SLC6A12: variants seen among roughly 807,000 people sequenced by gnomAD.
SLC6A12 encodes sodium- and chloride-dependent betaine transporter.
Under a neutral mutation model 73.3 loss-of-function variants are expected in SLC6A12, and 50 were observed. The ratio of observed to expected loss-of-function variants is 0.68; its 90% CI spans 0.54 to 0.86. SLC6A12 has a LOEUF of 0.86. SLC6A12 is among the 40% of genes least tolerant of loss of function. SLC6A12 has a pLI of 0.00. For synonymous variants in SLC6A12, 304 were observed against 309.2 expected (o/e 0.98, Z 0.18); for missense variants, 648 against 772.8 (o/e 0.84, Z 1.92).
Position 198,146 on chromosome 12 carries a change from G to A in SLC6A12, c.847-143C>T, listed in dbSNP as rs58028178. On this transcript the variant is annotated intron_variant, in intron 8 of 15. Transcript: ENST00000684302. This position sits in a 1 kb window ranked among gnomAD's most constrained non-coding sequence, Gnocchi z 4.0. Reference sequence around the variant, plus strand: ...CTTCCCTCCTGCATCCCAACTCTCCGTGAGTGCGCCCTCCGGTCTCCACGG... The same window carrying A: ...CTTCCCTCCTGCATCCCAACTCTCCATGAGTGCGCCCTCCGGTCTCCACGG... 0.02 allele frequency: 12,868 copies of A among 649,688 alleles called. 455 individuals carry two copies. Among genetic ancestry groups the A allele is most frequent in the African/African-American group, 0.12 (6,340 of 54,996 alleles). 40.2% of individuals were successfully genotyped at this position (649,688 alleles called of 1,614,324 possible). A position where few individuals can be genotyped will look rare whatever the true frequency, so the allele number is the denominator to read the frequency against.
In SLC6A12 at chr12:195,171, G is replaced by A. The variant is rs1591781990; in HGVS notation, c.1429+54C>T. 5.2e-6 allele frequency: 6 copies of A among 1,161,934 alleles called. No homozygotes were observed. The East Asian group carries it at 1.4e-4, about 27-fold the overall frequency. The allele number at this position is 1,161,934 out of a possible 1,614,324, so 72.0% of individuals were successfully genotyped here. On this transcript the variant is annotated intron_variant, in intron 13 of 15. Transcript: ENST00000684302. The stretch of plus-strand genomic sequence containing the variant: ...CCCCAGGCAAAGCCTGCCCCTGGCT[G>A]GCTAGACGGTCTTTCTCCCACCCTG...
intron 4 of SLC6A12, chr12:203,724 G>A (rs1354265990): frequency 2.0e-5 from 3 of 152,210 alleles, no homozygotes; most frequent in South Asian, 2.1e-4. Flanking sequence ...TGGCCGAGCC[G>A]GGGGCCGGCG....
In SLC6A12 at chr12:204,720, G is replaced by A. The variant is rs1326958571; in HGVS notation, c.215-22C>T. The A allele has an allele frequency of 3.7e-6, 6 of 1,613,192 alleles. No individual in the cohort carries two copies. The African/African-American group carries it at 4.0e-5, about 11-fold the overall frequency. On this transcript the variant is annotated intron_variant, in intron 3 of 15. Transcript: ENST00000684302. ...GCTCCTGCAGAAGAGAGAGAGGCAG[G>A]GCTGAGCCACACCCGGGCTCTTCCT...
At chr12:209,427 G>T (rs970641128) in intron 3 of SLC6A12, among the ~76,000 whole-genome samples, 2 of 152,058 alleles carry the variant, frequency 1.3e-5, no homozygotes, top group Non-Finnish European at 2.9e-5. Context: ...CTAGCGCCGG[G>T]TCTGGCACGT....
intron 14 of SLC6A12, 157 bp downstream of exon 14, chr12:193,120 G>C (rs1463584481): frequency 1.6e-6 from 1 of 622,476 alleles, no homozygotes; most frequent in Non-Finnish European, 2.9e-6. Flanking sequence ...GCCCCAGAAA[G>C]AAGAGCAGGG....
chr12:197,084 T>C (rs1285838571), intron 10 of SLC6A12, among the ~76,000 whole-genome samples: 4 of 15,472 alleles, frequency 2.6e-4, no homozygotes, highest in South Asian at 2.4e-3. Context: ...CATCCATCCA[T>C]CCATCCATCC....
chr12:205,748 CA>C (rs1940601318), intron 3 of SLC6A12, among the ~76,000 whole-genome samples: 1 of 152,018 alleles, frequency 6.6e-6, no homozygotes, highest in Admixed American at 6.5e-5. Flanking sequence ...TCTTTTTTTG[CA>C]AAAGTGAGAA....
At chr12:187,532 T>C (rs1390988481), downstream of SLC6A12, among the ~76,000 whole-genome samples, 4 of 141,386 alleles carry the variant, frequency 2.8e-5, no homozygotes, top group Non-Finnish European at 4.5e-5. Flanking sequence ...GTGTTACACC[T>C]CATAAAGGCA....
chr12:197,020 T>C (rs1021436596), intron 10 of SLC6A12, 138 bp from the exon 11 acceptor site: 2 of 583,706 alleles, frequency 3.4e-6, no homozygotes, highest in Non-Finnish European at 6.2e-6. Context: ...CCACTGTTCT[T>C]CTCTTTCCAG....
chr12:193,200 T>G, intron 14 of SLC6A12, 77 bp downstream of exon 14: 1 of 1,028,176 alleles, frequency 9.7e-7, no homozygotes, highest in Non-Finnish European at 1.5e-6. Flanking sequence ...GAGCCCTGCA[T>G]GTCAGCCGTC....
At position 202,753 on chromosome 12, in the gene SLC6A12, G is replaced by C. The variant is rs116466002; in HGVS notation, c.477C>G (p.Asn159Lys). The stretch of plus-strand genomic sequence containing the variant: ...AATGATGGATACCTGTGTTCCAAAA[G>C]TTGTTGCAGGTCGTCCAGGGCAGCT... The part of the protein sequence containing the change: ...TSELPWTTCN[N>K]FWNTEHCTDF... The change falls in exon 5 of 16, where the codon AAC (asparagine) becomes AAG (lysine). Residue 159 changes from asparagine (N) to lysine (K), a missense_variant. Transcript: ENST00000684302. 6.2e-7 allele frequency: 1 copy of C among 1,613,638 alleles called. No homozygotes were observed.
intron 3 of SLC6A12, among the ~76,000 whole-genome samples, chr12:205,972 C>T (rs905859500): frequency 5.3e-5 from 8 of 152,340 alleles, no homozygotes; most frequent in Non-Finnish European, 1.0e-4. Flanking sequence ...CCACTGTCCA[C>T]ATCCTCGTGC....
intron 12 of SLC6A12, among the ~76,000 whole-genome samples, chr12:195,782 C>T (rs1375770786): frequency 6.6e-6 from 1 of 152,130 alleles, no homozygotes; most frequent in African/African-American, 2.4e-5. Context: ...GAGGAAAACC[C>T]GCCTCTGAGT....
chr12:210,200 C>G (rs1007529403), intron 2 of SLC6A12, 157 bp from the exon 3 acceptor site: 4 of 1,201,708 alleles, frequency 3.3e-6, no homozygotes, highest in Non-Finnish European at 3.4e-6. Flanking sequence ...ACTGTAAGAG[C>G]AAACCTTAGT....
At position 191,133 on chromosome 12, in the gene SLC6A12, G is replaced by A. The variant is rs752352891; in HGVS notation, c.1780C>T (p.Arg594Trp). ...CTTGTTGGGGAGGGCCCAAAGTTCC[G>A]GCCAGCACTGCCATCCAAGCAGGGA... ...QHPCLDGSAG[R>W]NFGPSPTREG... Residue 594 changes from arginine (R) to tryptophan (W), a missense_variant, in exon 16 of 16, where the codon CGG (arginine) becomes TGG (tryptophan). By Grantham distance (101) the Arg-to-Trp change is moderately radical. Transcript: ENST00000684302. 8.4e-5 allele frequency: 113 copies of A among 1,344,876 alleles called. No homozygotes were observed. The highest frequency in any genetic ancestry group is 1.1e-4 in the Non-Finnish European group (110 of 1,035,252). The allele number at this position is 1,344,876 out of a possible 1,614,324, so 83.3% of individuals were successfully genotyped here. A position where few individuals can be genotyped will look rare whatever the true frequency, so the allele number is the denominator to read the frequency against.
At chr12:202,717 C>T (rs1940342495) in intron 5 of SLC6A12, 23 bp downstream of exon 5, 2 of 1,607,708 alleles carry the variant, frequency 1.2e-6, no homozygotes, top group East Asian at 2.2e-5. Flanking sequence ...AGGCAACATC[C>T]CAGGGGCTGA....
intron 13 of SLC6A12, 77 bp downstream of exon 13, chr12:195,148 C>T (rs560808851): frequency 1.2e-5 from 11 of 912,026 alleles, no homozygotes; most frequent in Non-Finnish European, 1.8e-5. Flanking sequence ...ACGGCCTCCC[C>T]CAGGCAAAGC....
intron 3 of SLC6A12, among the ~76,000 whole-genome samples, chr12:208,468 A>C (rs567220055): frequency 6.6e-6 from 1 of 152,322 alleles, no homozygotes; most frequent in Non-Finnish European, 1.5e-5. Flanking sequence ...TCAACAAATT[A>C]TCTCTAAATG....
rs1239071176 is a variant in SLC6A12, at chr12:198,029, A to G, written c.847-26T>C. On this transcript the variant is annotated intron_variant, in intron 8 of 15. Coordinates refer to ENST00000684302, the MANE Select transcript of SLC6A12 (RefSeq NM_001122848.3). This position sits in a 1 kb window ranked among gnomAD's most constrained non-coding sequence, Gnocchi z 4.0. ...CTACACAAAACCCCAAGAAAGAGGTAGAGGCAGCCCCCAGGGCCCAGAGCC... is the reference window on the plus strand; with the variant it reads ...CTACACAAAACCCCAAGAAAGAGGTGGAGGCAGCCCCCAGGGCCCAGAGCC... 1.3e-6 allele frequency: 2 copies of G among 1,599,632 alleles called. No individual in the cohort carries two copies. Among genetic ancestry groups the G allele is most frequent in the African/African-American group, 2.7e-5 (2 of 74,708 alleles).
Sources: allele counts gnomAD v4.1 joint callset (sites outside exome capture counted in the v4.1 genomes callset), GRCh38; gene constraint gnomAD v4.1.1; non-coding constraint Gnocchi (gnomAD v3.1); transcripts MANE v1.5; gene names NCBI Gene and HGNC (gene_info 2026-07-23, HGNC 2026-07-21).